Variants in AIDA observed in about 807,000 individuals in gnomAD.
AIDA encodes axin interactor, dorsalization-associated protein.
In AIDA, 18 loss-of-function variants were observed where a neutral mutation model predicts 42.7. The ratio of observed to expected loss-of-function variants is 0.42; its 90% CI spans 0.29 to 0.63. The LOEUF (loss-of-function observed/expected upper bound fraction) is 0.63, where lower values mean the gene tolerates loss of function less well. Among genes scored for constraint, AIDA ranks in the 20% least tolerant of loss-of-function variants. The pLI is 0.19. For missense variants in AIDA, 250 were observed against 354.1 expected (o/e 0.71, Z 2.36); for synonymous variants, 104 against 122.9 (o/e 0.85, Z 1.02).
Position 222,687,579 on chromosome 1 carries a change from T to C in AIDA, c.353+16A>G, listed in dbSNP as rs148997306. 2,243 of 1,480,326 alleles carry C rather than the reference T, an allele frequency of 1.5e-3. 39 individuals carry two copies. In the Admixed American group the frequency reaches 0.029, roughly 19 times the overall value. The allele number at this position is 1,480,326 out of a possible 1,614,324, so 91.7% of individuals were successfully genotyped here. The stretch of plus-strand genomic sequence containing the variant: ...ATAAAATAAAATAAGAAAACAAATA[T>C]AAATGTTTCTTTTACCTTAATGGGA... On this transcript the variant is annotated intron_variant, in intron 5 of 9. Transcript: ENST00000340020.
intron 2 of AIDA, among the ~76,000 whole-genome samples, chr1:222,700,810 A>G (rs1272083638): frequency 6.6e-6 from 1 of 152,172 alleles, no homozygotes; most frequent in Non-Finnish European, 1.5e-5. Context: ...CTGAAAAAAG[A>G]CAGTGGCCAT....
At chr1:222,670,277 A>G in intron 8 of AIDA, 27 bp from the exon 9 acceptor site, 11 of 1,556,690 alleles carry the variant, frequency 7.1e-6, no homozygotes, top group South Asian at 1.1e-5. Context: ...AGCCACATAA[A>G]CCACAGATAG....
chr1:222,709,204 G>A lies in AIDA; in HGVS notation c.110+3004C>T, dbSNP rs894980105. Among the ~76,000 whole-genome samples, 25 of 152,288 alleles carry A rather than the reference G, an allele frequency of 1.6e-4. No homozygotes were observed. The Middle Eastern group carries it at 0.01, about 62-fold the overall frequency. ...TCTCAACACTCTGGGAGGCTGAGGT[G>A]GGTGGATCACGAGGTCAAGAGTTCA... On this transcript the variant is annotated intron_variant, in intron 1 of 9. Transcript: ENST00000340020.
chr1:222,711,279 A>T (rs1479880545), intron 1 of AIDA: 5 of 152,154 alleles, frequency 3.3e-5, no homozygotes, highest in African/African-American at 1.2e-4. Flanking sequence ...TGTGTATATA[A>T]ATCTTGTCTT....
At chr1:222,689,152 A>G (rs1476402740) in intron 4 of AIDA, among the ~76,000 whole-genome samples, 1 of 151,790 alleles carries the variant, frequency 6.6e-6, no homozygotes, top group African/African-American at 2.4e-5. Context: ...AAAAAATATT[A>G]TTGTGGCTGG....
rs1023539760 is a variant in AIDA at position 222,668,493 on chromosome 1, G to A, written c.*1400C>T. 1 of 55,424 alleles carries A rather than the reference G, an allele frequency of 1.8e-5. No individual in the cohort carries two copies. The highest frequency in any genetic ancestry group is 6.6e-4 in the South Asian group (1 of 1,510). The allele number at this position is 55,424 out of a possible 1,614,324, so 3.4% of individuals were successfully genotyped here. A position where few individuals can be genotyped will look rare whatever the true frequency, so the allele number is the denominator to read the frequency against. ...TTTGGCTGAGAATTCATTCAGGCTC[G>A]CATAGTTTTTATTAACATCCGTCTA... On this transcript the variant is annotated 3_prime_UTR_variant, in exon 10 of 10. Coordinates refer to ENST00000340020, the MANE Select transcript of AIDA (RefSeq NM_022831.4).
Position 222,686,903 on chromosome 1 carries a change from T to G in AIDA, c.460+27A>C, listed in dbSNP as rs372468561. ...CCTGACTCTGGTTGCAGTTAAATAA[T>G]GTTTATTTTTAATAAGTGATACCTA... On this transcript the variant is annotated intron_variant, in intron 6 of 9. Transcript: ENST00000340020. 3.1e-6 allele frequency: 5 copies of G among 1,603,280 alleles called. No homozygotes were observed. The African/African-American group carries it at 6.7e-5, about 22-fold the overall frequency.
chr1:222,700,469 T>C (rs374188209), intron 2 of AIDA, among the ~76,000 whole-genome samples: 3 of 152,106 alleles, frequency 2.0e-5, no homozygotes, highest in African/African-American at 7.2e-5. Flanking sequence ...ACAAGATCTG[T>C]GGGTCGGGCC....
Position 222,669,738 on chromosome 1 carries a change from T to C in AIDA, c.*155A>G, listed in dbSNP as rs1379728269. 2 of 817,244 alleles carry C rather than the reference T, an allele frequency of 2.4e-6. No homozygotes were observed. Among genetic ancestry groups the C allele is most frequent in the South Asian group, 3.8e-5 (2 of 52,194 alleles). 50.6% of individuals were successfully genotyped at this position (817,244 alleles called of 1,614,324 possible). On this transcript the variant is annotated 3_prime_UTR_variant, in exon 10 of 10. Coordinates refer to ENST00000340020, the MANE Select transcript of AIDA (RefSeq NM_022831.4). Reference sequence around the variant, plus strand: ...TCAGTGTGATGTGCTGGACTCTGAATTCTGTGGTACAGCTTTGCATTGGAC... The same window carrying C: ...TCAGTGTGATGTGCTGGACTCTGAACTCTGTGGTACAGCTTTGCATTGGAC...
chr1:222,708,619 C>T (rs551432286), intron 1 of AIDA, among the ~76,000 whole-genome samples: 1 of 152,028 alleles, frequency 6.6e-6, no homozygotes, highest in Non-Finnish European at 1.5e-5. Flanking sequence ...ATCTGCCCGC[C>T]TCAGCTTCCC....
At chr1:222,689,514 T>TAC (rs1655300732) in intron 4 of AIDA, among the ~76,000 whole-genome samples, 3 of 71,654 alleles carry the variant, frequency 4.2e-5, no homozygotes, top group Non-Finnish European at 8.2e-5. Context: ...TATATATATA[T>TAC]ATATATACAC....
chr1:222,689,080 A>G (rs966947931), intron 4 of AIDA, among the ~76,000 whole-genome samples: 2 of 152,032 alleles, frequency 1.3e-5, no homozygotes, highest in African/African-American at 2.4e-5. Context: ...TTGTTAAAAA[A>G]AAGTTTAAAG....
chr1:222,686,159 TCAAAA>T (rs200676920), intron 6 of AIDA, among the ~76,000 whole-genome samples: 2,910 of 152,176 alleles, frequency 0.019, 27 homozygotes, highest in Middle Eastern at 0.061. Context: ...AGACTCTGTC[TCAAAA>T]CAAAACAAAA....
chr1:222,673,855 G>A lies in AIDA; in HGVS notation c.584-420C>T, dbSNP rs192053957. Among the ~76,000 whole-genome samples the A allele has an allele frequency of 2.0e-3, 302 of 151,854 alleles. 3 individuals are homozygous for A. The highest frequency in any genetic ancestry group is 9.9e-3 in the East Asian group (51 of 5,140). ...CCCCAGAACTTTGGGAGGCTGAGGCGGGTGGATCACTTAAGGTCAGGAGTT... is the reference window on the plus strand; with the variant it reads ...CCCCAGAACTTTGGGAGGCTGAGGCAGGTGGATCACTTAAGGTCAGGAGTT... On this transcript the variant is annotated intron_variant, in intron 7 of 9. Transcript: ENST00000340020.
At chr1:222,687,113 C>G (rs1347798386) in intron 5 of AIDA, 77 bp from the exon 6 acceptor site, 1 of 1,550,606 alleles carries the variant, frequency 6.4e-7, no homozygotes, top group Non-Finnish European at 8.7e-7. Flanking sequence ...ACACTCGTTT[C>G]CCAGGCAAGA....
intron 1 of AIDA, among the ~76,000 whole-genome samples, chr1:222,706,978 A>G (rs541874252): frequency 6.6e-6 from 1 of 152,170 alleles, no homozygotes; most frequent in East Asian, 1.9e-4. Context: ...GAGTGGGAAT[A>G]TGATATGGAG....
intron 2 of AIDA, among the ~76,000 whole-genome samples, chr1:222,702,359 T>C (rs1044194909): frequency 6.6e-6 from 1 of 152,170 alleles, no homozygotes; most frequent in African/African-American, 2.4e-5. Flanking sequence ...TCTTAAGAGA[T>C]GGGGAATAGA....
Position 222,712,369 on chromosome 1 carries a change from C to T in AIDA, c.-52G>A. 1 of 886,994 alleles carries T rather than the reference C, an allele frequency of 1.1e-6. No homozygotes were observed. Among genetic ancestry groups the T allele is most frequent in the East Asian group, 4.1e-5 (1 of 24,398 alleles). The allele number at this position is 886,994 out of a possible 1,614,324, so 54.9% of individuals were successfully genotyped here. The stretch of plus-strand genomic sequence containing the variant: ...GCCCCTACCCCAGCAAGGCCGGGTT[C>T]TAGGGCGCCATCCTCCCCCGGCCTG... On this transcript the variant is annotated 5_prime_UTR_variant, in exon 1 of 10. The change abolishes the stop of an existing upstream ORF in the 5' untranslated region. Coordinates refer to ENST00000340020, the MANE Select transcript of AIDA (RefSeq NM_022831.4).
At chr1:222,689,576 TATATACACACACACACAC>T (rs1274384501) in intron 4 of AIDA, among the ~76,000 whole-genome samples, 1 of 132,506 alleles carries the variant, frequency 7.5e-6, no homozygotes, top group East Asian at 2.2e-4. Flanking sequence ...TATGTATATA[TATATACACACACACACAC>T]ATATATATAC....
Sources: gnomAD v4.1 joint callset for allele counts (sites outside exome capture counted in the v4.1 genomes callset) on GRCh38, gnomAD v4.1.1 for gene constraint, MANE v1.5 for transcripts, NCBI Gene and HGNC (gene_info 2026-07-23, HGNC 2026-07-21) for gene names.